The following RGPD1 variants were observed in gnomAD, a reference collection of about 807,000 sequenced individuals.
RGPD1 encodes RANBP2 like and GRIP domain containing 1, also known as RANBP2-like and GRIP domain-containing protein 1.
Under a neutral mutation model 40.6 loss-of-function variants are expected in RGPD1, and 7 were observed. The observed-to-expected ratio is 0.17, with a 90% confidence interval of 0.10 to 0.32. The LOEUF is 0.32. Among genes scored for constraint, RGPD1 ranks in the 10% least tolerant of loss-of-function variants. RGPD1 has a pLI of 1.00. For synonymous variants in RGPD1, 24 were observed against 167.0 expected (o/e 0.14, Z 6.60); for missense variants, 50 against 472.5 (o/e 0.11, Z 8.29).
Position 86,964,111 on chromosome 2 carries a change from C to T in RGPD1, c.975+887C>T, listed in dbSNP as rs1312885192. 1.4e-4 allele frequency among the ~76,000 whole-genome samples: 14 copies of T among 102,464 alleles called. 4 individuals carry two copies. Among genetic ancestry groups the T allele is most frequent in the Admixed American group, 7.0e-4 (8 of 11,438 alleles). The allele number at this position is 102,464 out of a possible 152,430, so 67.2% of individuals were successfully genotyped here. ...AGGCTGGAGTGCAGTGGCACGATCT[C>T]GGCTCACTGCAAGCTCCACCTCCTG... is the stretch of plus-strand genomic sequence containing the variant. On this transcript the variant is annotated intron_variant, in intron 7 of 22. Coordinates refer to ENST00000641458, the MANE Select transcript of RGPD1 (RefSeq NM_001382344.1).
chr2:86,915,327 C>A (rs1677742508), intron 1 of RGPD1, among the ~76,000 whole-genome samples: 1 of 150,432 alleles, frequency 6.6e-6, no homozygotes. Flanking sequence ...AGATTGTAGA[C>A]AAGAATAACT....
At chr2:86,930,630 T>C (rs1339056867) in intron 1 of RGPD1, 2 of 1,611,508 alleles carry the variant, frequency 1.2e-6, no homozygotes, top group Admixed American at 3.3e-5. Flanking sequence ...CCCGCAGCAG[T>C]GAACACTCTC....
At chr2:86,914,965 G>C (rs1214604092) in intron 1 of RGPD1, among the ~76,000 whole-genome samples, 1 of 144,214 alleles carries the variant, frequency 6.9e-6, no homozygotes. Context: ...CTGGCCTAAG[G>C]TACTTCTGTT....
At position 87,006,694 on chromosome 2, in the gene RGPD1, G is replaced by A. The variant is rs1213559949; in HGVS notation, c.5237-5819G>A. ...GAGAATGGCGCGAACCCGGGAGGCG[G>A]AGCTTGCAGTGAGCTGAGATCGTGC... On this transcript the variant is annotated intron_variant, in intron 22 of 22. Coordinates refer to ENST00000641458, the MANE Select transcript of RGPD1 (RefSeq NM_001382344.1). 1.0e-4 allele frequency among the ~76,000 whole-genome samples: 15 copies of A among 143,300 alleles called. No homozygotes were observed. In the South Asian group the frequency reaches 3.2e-3, roughly 31 times the overall value. The allele number at this position is 143,300 out of a possible 152,430, so 94.0% of individuals were successfully genotyped here.
At chr2:86,913,874 G>C (rs771539150) in exon 1 of RGPD1, 1 of 1,581,382 alleles carries the variant, frequency 6.3e-7, no homozygotes, top group African/African-American at 1.4e-5. Context: ...GGCCTACGGG[G>C]AGCGGTACCT....
At position 86,945,041 on chromosome 2, in the gene RGPD1, TA is replaced by T. The variant is rs1170415303; in HGVS notation, c.72+2746del. Reference sequence around the variant, plus strand: ...TGATTTTTTTTTTTTTAAACAAGCTTAAAAAAAAAAAAAGCATGTTTAGAGC... The same window carrying T: ...TGATTTTTTTTTTTTTAAACAAGCTTAAAAAAAAAAAAGCATGTTTAGAGC... On this transcript the variant is annotated intron_variant, in intron 1 of 22. Coordinates refer to ENST00000641458, the MANE Select transcript of RGPD1 (RefSeq NM_001382344.1). Among the ~76,000 whole-genome samples, 756 of 139,072 alleles carry T rather than the reference TA, an allele frequency of 5.4e-3. 2 individuals carry two copies. The highest frequency in any genetic ancestry group is 5.7e-3 in the Non-Finnish European group (366 of 63,694). 91.2% of individuals were successfully genotyped at this position (139,072 alleles called of 152,430 possible).
At chr2:86,934,176 A>G (rs1423995843) in intron 1 of RGPD1, among the ~76,000 whole-genome samples, 1 of 129,562 alleles carries the variant, frequency 7.7e-6, no homozygotes, top group African/African-American at 2.9e-5. Flanking sequence ...CCTGGCTAAC[A>G]TGGTGAAACC....
intron 1 of RGPD1, among the ~76,000 whole-genome samples, chr2:86,945,401 G>A (rs572790354): frequency 1.3e-5 from 2 of 152,308 alleles, no homozygotes; most frequent in East Asian, 3.9e-4. Flanking sequence ...GGTAAGGAAT[G>A]GAGGGAGAAG....
intron 1 of RGPD1, among the ~76,000 whole-genome samples, chr2:86,924,125 A>G (rs1678267738): frequency 8.4e-6 from 1 of 119,068 alleles, no homozygotes; most frequent in South Asian, 3.2e-4. Flanking sequence ...TACTGCCAAA[A>G]TTCACTGGCA....
intron 1 of RGPD1, among the ~76,000 whole-genome samples, chr2:86,945,212 T>G: frequency 6.6e-6 from 1 of 152,084 alleles, no homozygotes; most frequent in South Asian, 2.1e-4. Flanking sequence ...TTGGTTATTA[T>G]GACCACCTCT....
chr2:86,960,971 C>T (rs1441479318), intron 6 of RGPD1, among the ~76,000 whole-genome samples: 3 of 14,830 alleles, frequency 2.0e-4, no homozygotes, highest in East Asian at 2.2e-3. Flanking sequence ...CGTCGTGATC[C>T]GCCTGCCTTG....
chr2:86,944,984 GAGAT>G (rs1014331095), intron 1 of RGPD1, among the ~76,000 whole-genome samples: 11 of 150,942 alleles, frequency 7.3e-5, no homozygotes, highest in Non-Finnish European at 1.5e-5. Flanking sequence ...CACAAGTGCT[GAGAT>G]TACAGGTGTG....
chr2:86,941,650 A>T (rs1195640716), upstream of RGPD1, among the ~76,000 whole-genome samples: 1 of 151,574 alleles, frequency 6.6e-6, no homozygotes, highest in Non-Finnish European at 1.5e-5. Flanking sequence ...GGGCCTGCAT[A>T]TAGAGAGGTC....
rs193206314 is a variant in RGPD1, at chr2:86,944,119, C to T, written c.72+1811C>T. Among the ~76,000 whole-genome samples the T allele has an allele frequency of 2.4e-4, 37 of 152,156 alleles. 2 individuals carry two copies. In the South Asian group the frequency reaches 6.6e-3, roughly 27 times the overall value. On this transcript the variant is annotated intron_variant, in intron 1 of 22. Coordinates refer to ENST00000641458, the MANE Select transcript of RGPD1 (RefSeq NM_001382344.1). ...ACTAAGCATACGTTATCTTATTTTG[C>T]GCTTCCAGCAACCCTGTGGATATTG...
chr2:86,962,562 A>G (rs1276672730), intron 6 of RGPD1, among the ~76,000 whole-genome samples: 1 of 130,058 alleles, frequency 7.7e-6, no homozygotes, highest in African/African-American at 3.3e-5. Context: ...GTAATGATCT[A>G]TATAGTAAAA....
At chr2:86,943,264 A>G (rs1349187094) in intron 1 of RGPD1, among the ~76,000 whole-genome samples, 1 of 100,820 alleles carries the variant, frequency 9.9e-6, no homozygotes, top group East Asian at 2.7e-4. Context: ...ACTCATACTC[A>G]CCTCCCTCGC....
chr2:86,914,566 GCGGCGGCCT>G lies in RGPD1; in HGVS notation c.72+650_72+658del, dbSNP rs1287000126. Among the ~76,000 whole-genome samples, 2 of 58,848 alleles carry G rather than the reference GCGGCGGCCT, an allele frequency of 3.4e-5. 1 individual carries two copies. The highest frequency in any genetic ancestry group is 7.1e-5 in the Non-Finnish European group (2 of 28,176). 38.6% of individuals were successfully genotyped at this position (58,848 alleles called of 152,430 possible). A position where few individuals can be genotyped will look rare whatever the true frequency, so the allele number is the denominator to read the frequency against. ...CCGGGCGGCGGCGGCGGCGGCGGCG[GCGGCGGCCT>G]CGGCCTCGGCCTCGGCCTTGGCCTC... On this transcript the variant is annotated intron_variant, in intron 1 of 22. Transcript: ENST00000398193.
At chr2:86,960,666 T>C (rs1680916305) in intron 6 of RGPD1, among the ~76,000 whole-genome samples, 1 of 118,280 alleles carries the variant, frequency 8.5e-6, no homozygotes, top group South Asian at 2.5e-4. Context: ...CTCGGCTCAC[T>C]GCAAGCTCTG....
chr2:86,925,520 G>C (rs1422821304), intron 1 of RGPD1, among the ~76,000 whole-genome samples: 1 of 152,050 alleles, frequency 6.6e-6, no homozygotes, highest in African/African-American at 2.4e-5. Context: ...CACCAGCCTT[G>C]GCCTCCCAAA....
Sources: gnomAD v4.1 joint callset for allele counts (sites outside exome capture counted in the v4.1 genomes callset) on GRCh38, gnomAD v4.1.1 for gene constraint, MANE v1.5 for transcripts, NCBI Gene and HGNC (gene_info 2026-07-23, HGNC 2026-07-21) for gene names.